Variants in THOC5 observed in about 807,000 individuals in gnomAD.
THOC5 encodes THO complex subunit 5, also known as Fms-interacting protein.
Under a neutral mutation model 92.9 loss-of-function variants are expected in THOC5, and 43 were observed. That is an observed-to-expected ratio of 0.46 (90% confidence interval 0.36 to 0.60). The LOEUF (loss-of-function observed/expected upper bound fraction) is 0.60. Ranked by LOEUF, THOC5 falls within the 20% of genes least tolerant of loss-of-function variation. The probability of loss-of-function intolerance (pLI) is 0.00; values close to 1 mark genes in which losing one functional copy is unlikely to be tolerated. For synonymous variants in THOC5, 296 were observed against 320.1 expected (o/e 0.92, Z 0.80); for missense variants, 659 against 849.4 (o/e 0.78, Z 2.79).
intron 7 of THOC5, among the ~76,000 whole-genome samples, chr22:29,533,450 A>AC (rs1483661183): frequency 2.6e-5 from 4 of 152,242 alleles, no homozygotes; most frequent in Non-Finnish European, 4.4e-5. Context: ...GAAAGAAAAA[A>AC]TGAATCTTTA....
At chr22:29,508,763 G>A (rs1278902182) in intron 19 of THOC5, among the ~76,000 whole-genome samples, 1 of 152,064 alleles carries the variant, frequency 6.6e-6, no homozygotes, top group Non-Finnish European at 1.5e-5. Flanking sequence ...GCACTTCGGG[G>A]ACATAGCTTT....
At chr22:29,515,107 T>C (rs2063309338) in intron 17 of THOC5, among the ~76,000 whole-genome samples, 1 of 152,078 alleles carries the variant, frequency 6.6e-6, no homozygotes, top group African/African-American at 2.4e-5. Flanking sequence ...AGTGGCATGA[T>C]CTCGGCTCAT....
chr22:29,520,478 G>A (rs2063418876), intron 13 of THOC5, among the ~76,000 whole-genome samples: 1 of 151,682 alleles, frequency 6.6e-6, no homozygotes, highest in African/African-American at 2.4e-5. Context: ...TGCTTCCAGA[G>A]GGTTTTTTTT....
At position 29,507,892 on chromosome 22, in the gene THOC5, C is replaced by G. The variant is rs531881977; in HGVS notation, c.*565G>C. 4.5e-5 allele frequency: 7 copies of G among 154,382 alleles called. No homozygotes were observed. The highest frequency in any genetic ancestry group is 1.7e-4 in the African/African-American group (7 of 41,562). The allele number at this position is 154,382 out of a possible 1,614,324, so 9.6% of individuals were successfully genotyped here. On this transcript the variant is annotated 3_prime_UTR_variant, in exon 20 of 20. Transcript: ENST00000490103. ...GGGCAGGGGGTGTTGGTGCCCCTAA[C>G]CCCTGAGTTGTTCAAGGATCAACTG... is the stretch of plus-strand genomic sequence containing the variant.
At chr22:29,537,629 C>T (rs998983005) in intron 6 of THOC5, among the ~76,000 whole-genome samples, 2 of 152,134 alleles carry the variant, frequency 1.3e-5, no homozygotes, top group African/African-American at 4.8e-5. Context: ...CAGTGGCTCA[C>T]GCCTGTAATC....
intron 17 of THOC5, among the ~76,000 whole-genome samples, chr22:29,515,823 C>A (rs2063323196): frequency 6.6e-6 from 1 of 151,572 alleles, no homozygotes; most frequent in African/African-American, 2.4e-5. Flanking sequence ...AGAGCAAGAC[C>A]CTGTCTCAAA....
intron 14 of THOC5, 77 bp from the exon 15 acceptor site, chr22:29,519,197 G>T: frequency 1.0e-6 from 1 of 956,288 alleles, no homozygotes; most frequent in African/African-American, 1.6e-5. Flanking sequence ...CCTGGGACCT[G>T]CCTGTCTGCG....
intron 5 of THOC5, among the ~76,000 whole-genome samples, chr22:29,541,633 AG>A (rs2063885144): frequency 6.6e-6 from 1 of 150,918 alleles, no homozygotes; most frequent in Admixed American, 6.6e-5. Context: ...AGGCTGAGGC[AG>A]GCGGATCATA....
rs573104152 is a variant in THOC5 at position 29,526,306 on chromosome 22, G to A, written c.1067-360C>T. ...CCAGCACTCTGGGAGGCCAAGGTGG[G>A]CAGATCATGAAGTCAGGAGATCGAG... On this transcript the variant is annotated intron_variant, in intron 11 of 19. Transcript: ENST00000490103. 7.9e-5 allele frequency among the ~76,000 whole-genome samples: 12 copies of A among 152,312 alleles called. No homozygotes were observed. In the South Asian group the frequency reaches 2.5e-3, roughly 32 times the overall value.
At chr22:29,544,648 C>A in intron 2 of THOC5, 45 bp from the exon 3 acceptor site, 1 of 1,494,204 alleles carries the variant, frequency 6.7e-7, no homozygotes, top group South Asian at 1.4e-5. Context: ...GGGTAAAAGT[C>A]TCCCTGCTGG....
intron 19 of THOC5, 128 bp from the exon 20 acceptor site, chr22:29,508,648 C>T (rs2063165296): frequency 3.6e-6 from 3 of 837,146 alleles, no homozygotes; most frequent in African/African-American, 3.4e-5. Flanking sequence ...TTGAGAAAAG[C>T]ATACGGCAGA....
intron 5 of THOC5, among the ~76,000 whole-genome samples, chr22:29,540,306 G>C (rs925314415): frequency 6.6e-6 from 1 of 152,204 alleles, no homozygotes; most frequent in Admixed American, 6.5e-5. Flanking sequence ...TATTAACATA[G>C]TTGACTGCTC....
At chr22:29,515,915 G>A (rs1047791321) in intron 17 of THOC5, among the ~76,000 whole-genome samples, 10 of 152,112 alleles carry the variant, frequency 6.6e-5, no homozygotes, top group Admixed American at 5.9e-4. Flanking sequence ...TGGAAGAAAG[G>A]CCAGGAGTTT....
rs186088248 is a variant in THOC5, at chr22:29,525,656, T to A, written c.1175+182A>T. ...AGTAAGAGGACTTCACAAATTAAAG[T>A]CAGAGAGTGCTTTCTAAATACCAGC... On this transcript the variant is annotated intron_variant, in intron 12 of 19. Coordinates refer to ENST00000490103, the MANE Select transcript of THOC5 (RefSeq NM_003678.5). Among the ~76,000 whole-genome samples the A allele has an allele frequency of 6.0e-4, 91 of 152,328 alleles. No homozygotes were observed. The South Asian group carries it at 6.4e-3, about 11-fold the overall frequency.
intron 1 of THOC5, among the ~76,000 whole-genome samples, chr22:29,551,757 T>C (rs1044049172): frequency 6.6e-6 from 1 of 151,082 alleles, no homozygotes; most frequent in Non-Finnish European, 1.5e-5. Context: ...AAAAAAAAAT[T>C]TGGACTGGAT....
At chr22:29,526,454 C>A (rs1035371342) in intron 11 of THOC5, among the ~76,000 whole-genome samples, 1 of 151,876 alleles carries the variant, frequency 6.6e-6, no homozygotes, top group Non-Finnish European at 1.5e-5. Context: ...ATGGTGTGAA[C>A]CCAGGAGGTG....
At chr22:29,530,479 C>T (rs1335383223) in intron 8 of THOC5, among the ~76,000 whole-genome samples, 1 of 150,788 alleles carries the variant, frequency 6.6e-6, no homozygotes, top group African/African-American at 2.4e-5. Flanking sequence ...AAGATCATGC[C>T]ACTGCACTCC....
intron 5 of THOC5, among the ~76,000 whole-genome samples, chr22:29,540,341 G>A (rs767701972): frequency 5.9e-5 from 9 of 152,228 alleles, no homozygotes; most frequent in South Asian, 2.1e-4. Context: ...TGACAGTAAT[G>A]ATAACGGCAG....
intron 18 of THOC5, among the ~76,000 whole-genome samples, chr22:29,511,671 G>C (rs564517446): frequency 5.3e-5 from 8 of 152,378 alleles, no homozygotes; most frequent in African/African-American, 1.9e-4. Flanking sequence ...CAGCTGCAAT[G>C]CTGATTAACA....
Sources: allele counts gnomAD v4.1 joint callset (sites outside exome capture counted in the v4.1 genomes callset), GRCh38; gene constraint gnomAD v4.1.1; transcripts MANE v1.5; gene names NCBI Gene and HGNC (gene_info 2026-07-23, HGNC 2026-07-21).